COL22A1: variants seen among roughly 807,000 people sequenced by gnomAD.
COL22A1 encodes collagen type XXII alpha 1 chain.
Under a neutral mutation model 248.9 loss-of-function variants are expected in COL22A1, and 221 were observed. That is an observed-to-expected ratio of 0.89 (90% CI 0.80 to 0.99). The LOEUF is 0.99. Ranked by LOEUF, COL22A1 falls within the 50% of genes least tolerant of loss-of-function variation. COL22A1 has a pLI of 0.00. For synonymous variants in COL22A1, 891 were observed against 793.4 expected (o/e 1.12, Z -2.07); for missense variants, 2,240 against 2,179.0 (o/e 1.03, Z -0.56).
chr8:138,717,250 C>A (rs987226347), intron 27 of COL22A1, among the ~76,000 whole-genome samples: 2 of 152,068 alleles, frequency 1.3e-5, no homozygotes, highest in Non-Finnish European at 2.9e-5. Context: ...CGGGTTCACA[C>A]CATTCTCCCA....
In COL22A1 at chr8:138,589,357, G is replaced by C; in HGVS notation, c.4777C>G (p.Pro1593Ala). 6.2e-7 allele frequency: 1 copy of C among 1,611,680 alleles called. No homozygotes were observed. The highest frequency in any genetic ancestry group is 8.5e-7 in the Non-Finnish European group (1 of 1,178,890). Residue 1593 changes from proline (P) to alanine (A), a missense_variant, in exon 65 of 65, where the codon CCT becomes GCT. Coordinates refer to ENST00000303045, the MANE Select transcript of COL22A1 (RefSeq NM_152888.3). ...PQGETGPAGH[P>A]GLPGPPGPPG... Reference sequence around the variant, plus strand: ...GGACCGGGAGGTCCTGGGAGGCCAGGATGTCCAGCTGGTCCTGTCTCCCCT... The same window carrying C: ...GGACCGGGAGGTCCTGGGAGGCCAGCATGTCCAGCTGGTCCTGTCTCCCCT...
At position 138,649,753 on chromosome 8, in the gene COL22A1, C is replaced by A; in HGVS notation, c.3359G>T (p.Gly1120Val). The change falls in exon 46 of 65, where the codon GGC becomes GTC. Residue 1120 changes from glycine to valine, a missense_variant. Coordinates refer to ENST00000303045, the MANE Select transcript of COL22A1 (RefSeq NM_152888.3). ...TGGTAGACCAGGGAGGCCTGGGGGG[C>A]CAGGAGGGCAGTCATTGCACACATC... ...AKDVCNDCPP[G>V]PPGLPGLPGF... The A allele has an allele frequency of 6.2e-7, 1 of 1,602,412 alleles. No homozygotes were observed. Among genetic ancestry groups the A allele is most frequent in the Middle Eastern group, 1.7e-4 (1 of 5,966 alleles).
chr8:138,602,625 C>A (rs1307286981), intron 59 of COL22A1, among the ~76,000 whole-genome samples: 1 of 152,180 alleles, frequency 6.6e-6, no homozygotes, highest in Non-Finnish European at 1.5e-5. Context: ...TCCCACCTGG[C>A]CTGCAGGTCT....
At chr8:138,830,667 T>C (rs1819974038) in intron 5 of COL22A1, among the ~76,000 whole-genome samples, 2 of 152,374 alleles carry the variant, frequency 1.3e-5, no homozygotes, top group South Asian at 4.1e-4. Flanking sequence ...TTGATGCAAG[T>C]GCTTCCTTAG....
chr8:138,704,121 G>GC (rs1564220055), intron 30 of COL22A1, among the ~76,000 whole-genome samples: 1 of 152,208 alleles, frequency 6.6e-6, no homozygotes, highest in African/African-American at 2.4e-5. Context: ...AAACAAAGCA[G>GC]CCGGGAGGCT....
chr8:138,885,309 C>G (rs1017322111), intron 1 of COL22A1, among the ~76,000 whole-genome samples: 3 of 152,200 alleles, frequency 2.0e-5, no homozygotes, highest in African/African-American at 7.2e-5. Context: ...CATTCCAATT[C>G]TGCATGTTAC....
In COL22A1 at chr8:138,841,823, CCA is replaced by C. The variant is rs574144774; in HGVS notation, c.733+2259_733+2260del. Among the ~76,000 whole-genome samples, 619 of 152,270 alleles carry C rather than the reference CCA, an allele frequency of 4.1e-3. 2 individuals carry two copies. Among genetic ancestry groups the C allele is most frequent in the African/African-American group, 0.014 (590 of 41,550 alleles). On this transcript the variant is annotated intron_variant, in intron 4 of 64. Coordinates refer to ENST00000303045, the MANE Select transcript of COL22A1 (RefSeq NM_152888.3). ...AATTTTCTTTCAACTCTTCCAGCCA[CCA>C]AGTAGATGCAATGACAGCAAAAGTG...
rs747598908 is a variant in COL22A1 at position 138,720,741 on chromosome 8, G to A, written c.2353C>T (p.Arg785Trp). 69 of 1,613,342 alleles carry A rather than the reference G, an allele frequency of 4.3e-5. No individual in the cohort carries two copies. Among genetic ancestry groups the A allele is most frequent in the Admixed American group, 1.7e-4 (10 of 59,992 alleles). The change falls in exon 27 of 65, where the codon CGG (arginine) becomes TGG (tryptophan). Residue 785 changes from arginine (R) to tryptophan (W), a missense_variant and splice_region_variant. Arg to Trp is a moderately radical substitution (Grantham distance 101). Transcript: ENST00000303045. ...GGAAAAAGAGGCAAAGTCCATACCC[G>A]AAGGCCTGGTTTTCCAGGCAGACCA... is the stretch of plus-strand genomic sequence containing the variant. ...EDGLPGKPGLRGEIGEQGLAG... is the reference protein window; with the variant it reads ...EDGLPGKPGLWGEIGEQGLAG...
chr8:138,716,892 C>T, intron 27 of COL22A1, 23 bp from the exon 28 acceptor site: 1 of 1,588,494 alleles, frequency 6.3e-7, no homozygotes, highest in Non-Finnish European at 8.6e-7. Context: ...TAAAACATAC[C>T]CCATTATTCT....
intron 4 of COL22A1, among the ~76,000 whole-genome samples, chr8:138,834,651 G>A (rs769081326): frequency 1.3e-5 from 2 of 152,098 alleles, no homozygotes; most frequent in African/African-American, 2.4e-5. Context: ...TGTAAAAAGG[G>A]GATTATTTTC....
At chr8:138,832,025 C>T (rs1344668651) in intron 5 of COL22A1, among the ~76,000 whole-genome samples, 1 of 152,032 alleles carries the variant, frequency 6.6e-6, no homozygotes, top group Non-Finnish European at 1.5e-5. Flanking sequence ...GTAAAGGAGC[C>T]GGCCAAAACC....
At chr8:138,606,502 A>C in intron 57 of COL22A1, 50 bp from the exon 58 acceptor site, 261 of 1,568,134 alleles carry the variant, frequency 1.7e-4, no homozygotes, top group Non-Finnish European at 2.1e-4. Flanking sequence ...GTACCAACTC[A>C]AGCAGATTTG....
chr8:138,705,449 A>G (rs1023308272), intron 30 of COL22A1, among the ~76,000 whole-genome samples: 1 of 152,226 alleles, frequency 6.6e-6, no homozygotes, highest in Non-Finnish European at 1.5e-5. Context: ...GAAACTCTAC[A>G]AGCCAGAAGA....
rs6150848 is a variant in COL22A1, at chr8:138,663,016, T to TCACA, written c.3186+685_3186+688dup. Among the ~76,000 whole-genome samples the TCACA allele has an allele frequency of 2.0e-5, 3 of 148,636 alleles. No homozygotes were observed. The East Asian group carries it at 6.0e-4, about 30-fold the overall frequency. On this transcript the variant is annotated intron_variant, in intron 42 of 64. Transcript: ENST00000303045. ...GGTTGACAGAGCAGGACTCTGTCAC[T>TCACA]CACACACACACACACACACAAAGCA...
Position 138,606,465 on chromosome 8 carries a change from A to G in COL22A1, c.4033-13T>C. 18 of 1,612,714 alleles carry G rather than the reference A, an allele frequency of 1.1e-5. No homozygotes were observed. Among genetic ancestry groups the G allele is most frequent in the Non-Finnish European group, 1.5e-5 (18 of 1,179,496 alleles). On this transcript the variant is annotated splice_polypyrimidine_tract_variant and intron_variant, in intron 57 of 64. Transcript: ENST00000303045. The stretch of plus-strand genomic sequence containing the variant: ...TTCCTTTCTGGCCCTGCAAAGAGAA[A>G]ACTGAGAATTAATTCCTCAAGGTCA...
At chr8:138,689,159 G>A (rs1412736743) in intron 36 of COL22A1, among the ~76,000 whole-genome samples, 189 bp from the exon 37 acceptor site, 4 of 34,604 alleles carry the variant, frequency 1.2e-4, no homozygotes, top group Non-Finnish European at 3.2e-4. Flanking sequence ...CTGCTCTCCC[G>A]GGGGGGGGGC....
chr8:138,734,947 A>G (rs1318454477), intron 23 of COL22A1, among the ~76,000 whole-genome samples: 4 of 152,188 alleles, frequency 2.6e-5, no homozygotes, highest in Non-Finnish European at 1.5e-5. Flanking sequence ...GTTCTCACTC[A>G]TAAGTGGGAG....
At chr8:138,791,264 GAATC>G (rs900228894) in intron 12 of COL22A1, among the ~76,000 whole-genome samples, 5 of 152,292 alleles carry the variant, frequency 3.3e-5, no homozygotes, top group Admixed American at 2.6e-4. Context: ...CAAGGAGGAA[GAATC>G]AATAACAGGA....
chr8:138,650,304 A>C (rs1180454840), intron 45 of COL22A1, among the ~76,000 whole-genome samples: 1 of 152,330 alleles, frequency 6.6e-6, no homozygotes, highest in East Asian at 1.9e-4. Flanking sequence ...TCTGTGATAC[A>C]ATGCCGACTC....
Sources: gnomAD v4.1 joint callset for allele counts (sites outside exome capture counted in the v4.1 genomes callset) on GRCh38, gnomAD v4.1.1 for gene constraint, MANE v1.5 for transcripts, NCBI Gene and HGNC (gene_info 2026-07-23, HGNC 2026-07-21) for gene names.